FRAS1: variants seen among roughly 807,000 people sequenced by gnomAD.
The protein encoded by FRAS1 is extracellular matrix organizing protein FRAS1.
In FRAS1, 290 loss-of-function variants were observed where a neutral mutation model predicts 435.2. The observed-to-expected ratio is 0.67, with a 90% CI of 0.61 to 0.73. FRAS1 has a LOEUF of 0.73. Ranked by LOEUF, FRAS1 falls within the 30% of genes least tolerant of loss-of-function variation. FRAS1 has a pLI of 0.00. For synonymous variants in FRAS1, 1,800 were observed against 1,851.0 expected (o/e 0.97, Z 0.71); for missense variants, 4,860 against 5,001.5 (o/e 0.97, Z 0.85).
chr4:78,235,937 G>A (rs1724735821), intron 2 of FRAS1, among the ~76,000 whole-genome samples: 1 of 152,186 alleles, frequency 6.6e-6, no homozygotes, highest in Non-Finnish European at 1.5e-5. Context: ...GACACAGTGA[G>A]ACCCTGTTAC....
intron 20 of FRAS1, among the ~76,000 whole-genome samples, chr4:78,359,684 G>A (rs957020748): frequency 1.3e-5 from 2 of 152,124 alleles, no homozygotes; most frequent in Non-Finnish European, 2.9e-5. Flanking sequence ...ATGAATACAG[G>A]TAGTGAACAA....
At chr4:78,120,481 G>A (rs1350392053) in intron 2 of FRAS1, among the ~76,000 whole-genome samples, 1 of 152,128 alleles carries the variant, frequency 6.6e-6, no homozygotes, top group Non-Finnish European at 1.5e-5. Flanking sequence ...CTCTATACAG[G>A]CATGACAGTC....
chr4:78,058,496 T>C (rs1032512394), intron 1 of FRAS1, among the ~76,000 whole-genome samples: 3 of 152,104 alleles, frequency 2.0e-5, no homozygotes, highest in Admixed American at 6.5e-5. Context: ...AAACATACAG[T>C]CTTTCATCTT....
At chr4:78,275,801 G>C (rs925481254) in intron 9 of FRAS1, among the ~76,000 whole-genome samples, 27 of 152,240 alleles carry the variant, frequency 1.8e-4, no homozygotes, top group African/African-American at 6.3e-4. Context: ...TCTTGGGGTT[G>C]CTCTTCTTGA....
intron 41 of FRAS1, 30 bp from the exon 42 acceptor site, chr4:78,445,492 G>C (rs1454977902): frequency 1.3e-6 from 2 of 1,503,734 alleles, no homozygotes; most frequent in Admixed American, 2.1e-5. Context: ...GATAGATCAA[G>C]GTAAAAATGC....
At chr4:78,115,788 A>T (rs188532718) in intron 2 of FRAS1, among the ~76,000 whole-genome samples, 1 of 151,644 alleles carries the variant, frequency 6.6e-6, no homozygotes, top group East Asian at 1.9e-4. Context: ...CAGCTCCTGG[A>T]TTCATTGATT....
At chr4:78,066,604 T>C (rs1740050241) in intron 2 of FRAS1, among the ~76,000 whole-genome samples, 1 of 152,218 alleles carries the variant, frequency 6.6e-6, no homozygotes, top group African/African-American at 2.4e-5. Flanking sequence ...TAATGCACTA[T>C]GGTGCATAAC....
chr4:78,144,869 T>C (rs945506458), intron 2 of FRAS1, among the ~76,000 whole-genome samples: 7 of 152,222 alleles, frequency 4.6e-5, no homozygotes, highest in Non-Finnish European at 8.8e-5. Context: ...AGTTACCAAG[T>C]GGATATTTAG....
chr4:78,215,594 C>G (rs1025297079), intron 2 of FRAS1, among the ~76,000 whole-genome samples: 6 of 152,330 alleles, frequency 3.9e-5, no homozygotes, highest in South Asian at 2.1e-4. Context: ...AACTCTGTAT[C>G]CTTTAGACAA....
chr4:78,323,622 C>G (rs1440305617), intron 18 of FRAS1, among the ~76,000 whole-genome samples: 2 of 152,138 alleles, frequency 1.3e-5, no homozygotes, highest in Non-Finnish European at 2.9e-5. Context: ...CTGCACACCC[C>G]CAAGGGCGCT....
intron 62 of FRAS1, among the ~76,000 whole-genome samples, chr4:78,508,381 A>G (rs1720907582): frequency 6.6e-6 from 1 of 152,218 alleles, no homozygotes. Flanking sequence ...TATACCATCA[A>G]CTATTTAATG....
At chr4:78,164,035 G>A (rs1470545757) in intron 2 of FRAS1, among the ~76,000 whole-genome samples, 1 of 152,146 alleles carries the variant, frequency 6.6e-6, no homozygotes, top group Admixed American at 6.6e-5. Context: ...ACAACAGTTG[G>A]GTTCAATAAG....
At chr4:78,436,038 T>C (rs142867244) in intron 38 of FRAS1, among the ~76,000 whole-genome samples, 1 of 152,246 alleles carries the variant, frequency 6.6e-6, no homozygotes, top group East Asian at 1.9e-4. Flanking sequence ...TTTGACTATA[T>C]TAAAAATTAA....
chr4:78,538,994 C>A (rs1337503943), intron 72 of FRAS1, among the ~76,000 whole-genome samples: 1 of 151,762 alleles, frequency 6.6e-6, no homozygotes, highest in Non-Finnish European at 1.5e-5. Context: ...TGAGAACCCA[C>A]TCACTATCAC....
intron 42 of FRAS1, chr4:78,446,299 G>A: frequency 9.9e-7 from 1 of 1,012,660 alleles, no homozygotes; most frequent in Non-Finnish European, 1.2e-6. Flanking sequence ...AGGGCAGGGA[G>A]ACAGCTTTAG....
At chr4:78,257,855 C>A (rs6846166) in intron 6 of FRAS1, among the ~76,000 whole-genome samples, 5 of 152,134 alleles carry the variant, frequency 3.3e-5, no homozygotes, top group African/African-American at 4.8e-5. Context: ...CTGAAATTGC[C>A]TGCTTTCAAC....
intron 2 of FRAS1, among the ~76,000 whole-genome samples, chr4:78,103,947 T>G (rs1167774562): frequency 6.6e-6 from 1 of 152,248 alleles, no homozygotes; most frequent in Non-Finnish European, 1.5e-5. Flanking sequence ...CTATGTCCAG[T>G]TGTGCCAGAT....
At chr4:78,516,038 G>A in intron 66 of FRAS1, 25 bp downstream of exon 66, 4 of 1,582,838 alleles carry the variant, frequency 2.5e-6, no homozygotes, top group Non-Finnish European at 3.5e-6. Flanking sequence ...GCTTGTCTGA[G>A]GACTCTGCAT....
chr4:78,515,692 A>T, intron 65 of FRAS1, 107 bp from the exon 66 acceptor site: 1 of 951,738 alleles, frequency 1.1e-6, no homozygotes, highest in South Asian at 1.4e-5. Context: ...GTAGGGTCTC[A>T]GGTGATTGAA....
Sources: gnomAD v4.1 joint callset for allele counts (sites outside exome capture counted in the v4.1 genomes callset) on GRCh38, gnomAD v4.1.1 for gene constraint, MANE v1.5 for transcripts, NCBI Gene and HGNC (gene_info 2026-07-23, HGNC 2026-07-21) for gene names.